The following DLGAP2 variants were observed in gnomAD, a reference collection of about 807,000 sequenced individuals.
The protein encoded by DLGAP2 is disks large-associated protein 2.
DLGAP2 carries 26 observed loss-of-function variants against 100.3 expected under a neutral mutation model. The observed-to-expected ratio is 0.26, with a 90% CI of 0.19 to 0.36. The LOEUF is 0.36. Ranked by LOEUF, DLGAP2 falls within the 10% of genes least tolerant of loss-of-function variation. DLGAP2 has a pLI of 1.00. For missense variants in DLGAP2, 1,858 were observed against 1,453.2 expected (o/e 1.28, Z -4.53); for synonymous variants, 886 against 630.1 (o/e 1.41, Z -6.08).
chr8:856,995 C>T (rs1211713494), intron 1 of DLGAP2, among the ~76,000 whole-genome samples: 2 of 152,228 alleles, frequency 1.3e-5, no homozygotes, highest in Non-Finnish European at 2.9e-5. Flanking sequence ...GTAATCAAGA[C>T]AGTGTGGCAC....
chr8:1,502,203 G>T (rs982104544), intron 4 of DLGAP2, among the ~76,000 whole-genome samples: 8 of 152,214 alleles, frequency 5.3e-5, no homozygotes, highest in African/African-American at 1.9e-4. Flanking sequence ...TAACCTAAAA[G>T]ATTGTCAGCC....
intron 2 of DLGAP2, among the ~76,000 whole-genome samples, chr8:1,077,758 C>G (rs1330631319): frequency 6.6e-6 from 1 of 152,214 alleles, no homozygotes; most frequent in East Asian, 1.9e-4. Flanking sequence ...GCAGTGGTTA[C>G]TGAAAAATCT....
rs75860110 is a variant in DLGAP2 at position 1,444,560 on chromosome 8, A to T, written c.107-56806A>T. On this transcript the variant is annotated intron_variant, in intron 3 of 14. Transcript: ENST00000637795. ...AAGAGACAGTGTGCCTGATCCTTCAAAGAGCACATTGACAATGCTCCGTGA... is the reference window on the plus strand; with the variant it reads ...AAGAGACAGTGTGCCTGATCCTTCATAGAGCACATTGACAATGCTCCGTGA... Among the ~76,000 whole-genome samples, 1,017 of 152,020 alleles carry T rather than the reference A, an allele frequency of 6.7e-3. 31 individuals are homozygous for T. In the East Asian group the frequency reaches 0.086, roughly 13 times the overall value.
rs1382093781 is a variant in DLGAP2, at chr8:1,267,637, G to GAAATAAAATAAAATCAAATCAAA, written c.106+8754_106+8755insAAATAAAATAAAATCAAATCAAA. ...ATAAGATAAGATAAATATTAAATAG[G>GAAATAAAATAAAATCAAATCAAA]TCTACAAAAAGGCCTCCAGGGTCAG... is the stretch of plus-strand genomic sequence containing the variant. On this transcript the variant is annotated intron_variant, in intron 3 of 14. Coordinates refer to ENST00000637795, the MANE Select transcript of DLGAP2 (RefSeq NM_001346810.2). Among the ~76,000 whole-genome samples, 390 of 91,932 alleles carry GAAATAAAATAAAATCAAATCAAA rather than the reference G, an allele frequency of 4.2e-3. 7 individuals are homozygous for GAAATAAAATAAAATCAAATCAAA. Among genetic ancestry groups the GAAATAAAATAAAATCAAATCAAA allele is most frequent in the Non-Finnish European group, 6.5e-3 (288 of 44,274 alleles). 60.3% of individuals were successfully genotyped at this position (91,932 alleles called of 152,430 possible). A position where few individuals can be genotyped will look rare whatever the true frequency, so the allele number is the denominator to read the frequency against.
chr8:1,431,131 A>C (rs7845355), intron 3 of DLGAP2, among the ~76,000 whole-genome samples: 32,345 of 152,278 alleles, frequency 0.21, 3,857 homozygotes, highest in Middle Eastern at 0.29. Context: ...AACCCAGTGT[A>C]CAGAGAACAG....
chr8:793,634 C>A (rs150350055), intron 1 of DLGAP2, among the ~76,000 whole-genome samples: 1 of 152,344 alleles, frequency 6.6e-6, no homozygotes, highest in East Asian at 1.9e-4. Flanking sequence ...TTGTTCTTCA[C>A]ATCTCTGGAC....
chr8:884,547 G>A (rs1797884558), intron 1 of DLGAP2, among the ~76,000 whole-genome samples: 1 of 151,946 alleles, frequency 6.6e-6, no homozygotes, highest in Admixed American at 6.6e-5. Context: ...TGTCAGATGG[G>A]TAGATTGCAA....
chr8:1,562,797 C>G (rs1229968616), intron 5 of DLGAP2, among the ~76,000 whole-genome samples: 2 of 20,336 alleles, frequency 9.8e-5, no homozygotes, highest in African/African-American at 2.2e-4. Flanking sequence ...GTTGGGTGTC[C>G]GCGCCTCGTT....
chr8:1,121,417 G>C (rs1796044995), intron 2 of DLGAP2, among the ~76,000 whole-genome samples: 1 of 151,206 alleles, frequency 6.6e-6, no homozygotes, highest in East Asian at 2.0e-4. Context: ...CTTCCCTTCA[G>C]AACCCCTGAC....
chr8:1,444,194 T>C (rs1797917037), intron 3 of DLGAP2, among the ~76,000 whole-genome samples: 1 of 152,140 alleles, frequency 6.6e-6, no homozygotes, highest in African/African-American at 2.4e-5. Flanking sequence ...CAAGCGATCC[T>C]GTTGCCTTGG....
At chr8:1,462,914 G>C (rs539574506) in intron 3 of DLGAP2, among the ~76,000 whole-genome samples, 3 of 152,346 alleles carry the variant, frequency 2.0e-5, no homozygotes, top group East Asian at 3.9e-4. Flanking sequence ...TCAAACACAT[G>C]TTGCCCTCAT....
chr8:887,125 C>T (rs747575547), intron 1 of DLGAP2, among the ~76,000 whole-genome samples: 3 of 151,912 alleles, frequency 2.0e-5, no homozygotes, highest in Admixed American at 1.3e-4. Flanking sequence ...TTATGTAATG[C>T]TCTTCTTTGC....
intron 6 of DLGAP2, among the ~76,000 whole-genome samples, chr8:1,587,811 G>T (rs7015661): frequency 0.53 from 80,495 of 152,026 alleles, 22,134 homozygotes; most frequent in African/African-American, 0.69. Flanking sequence ...GAGTTCGGTT[G>T]AGAGACATAA....
At position 1,654,630 on chromosome 8, in the gene DLGAP2, C is replaced by T. The variant is rs191958027; in HGVS notation, c.1811-13699C>T. Among the ~76,000 whole-genome samples the T allele has an allele frequency of 9.7e-4, 141 of 144,970 alleles. 1 individual carries two copies. Among genetic ancestry groups the T allele is most frequent in the African/African-American group, 3.1e-3 (120 of 39,112 alleles). Reference sequence around the variant, plus strand: ...GAGCTGCGATCACGCCATTGCACTCCAGCCTGGGTGACAAGAGTGAAACTC... The same window carrying T: ...GAGCTGCGATCACGCCATTGCACTCTAGCCTGGGTGACAAGAGTGAAACTC... On this transcript the variant is annotated intron_variant, in intron 8 of 14. Coordinates refer to ENST00000637795, the MANE Select transcript of DLGAP2 (RefSeq NM_001346810.2).
chr8:1,026,870 A>G (rs537185510), intron 2 of DLGAP2, among the ~76,000 whole-genome samples: 1 of 152,326 alleles, frequency 6.6e-6, no homozygotes, highest in East Asian at 1.9e-4. Flanking sequence ...CATTTATTCT[A>G]ATTTCTTCTG....
At chr8:1,201,032 G>C (rs547966483) in intron 2 of DLGAP2, among the ~76,000 whole-genome samples, 66 of 152,256 alleles carry the variant, frequency 4.3e-4, no homozygotes, top group African/African-American at 1.5e-3. Flanking sequence ...CCCACACCTA[G>C]AGGTGAGTGT....
At chr8:1,572,140 T>A (rs1802735573) in intron 6 of DLGAP2, among the ~76,000 whole-genome samples, 1 of 118,588 alleles carries the variant, frequency 8.4e-6, no homozygotes, top group Admixed American at 9.1e-5. Context: ...GGGCATCTTC[T>A]GGGATGGAGA....
chr8:1,517,227 C>G (rs117117913), intron 4 of DLGAP2, among the ~76,000 whole-genome samples: 10 of 152,120 alleles, frequency 6.6e-5, no homozygotes, highest in African/African-American at 2.4e-4. Context: ...TGAGTTCTGG[C>G]AGCTGTGGGG....
intron 6 of DLGAP2, among the ~76,000 whole-genome samples, chr8:1,589,788 G>A (rs1249100620): frequency 5.3e-5 from 8 of 152,152 alleles, no homozygotes; most frequent in African/African-American, 1.2e-4. Context: ...TGTTAGCACC[G>A]GGGAATCCCT....
Sources: gnomAD v4.1 joint callset for allele counts (sites outside exome capture counted in the v4.1 genomes callset) on GRCh38, gnomAD v4.1.1 for gene constraint, MANE v1.5 for transcripts, NCBI Gene and HGNC (gene_info 2026-07-23, HGNC 2026-07-21) for gene names.